Variants in FARP1 observed in about 807,000 individuals in gnomAD.
FARP1 encodes the protein FERM, ARHGEF and pleckstrin domain-containing protein 1.
Under a neutral mutation model 128.8 loss-of-function variants are expected in FARP1, and 52 were observed. The observed-to-expected ratio is 0.40, with a 90% CI of 0.32 to 0.51. The LOEUF is 0.51. Ranked by LOEUF, FARP1 falls within the 20% of genes least tolerant of loss-of-function variation. The probability of loss-of-function intolerance (pLI) is 0.45; values close to 1 mark genes in which losing one functional copy is unlikely to be tolerated. For missense variants in FARP1, 1,333 were observed against 1,367.9 expected, an observed-to-expected ratio of 0.97 and a Z score of 0.40; for synonymous variants, 580 against 551.8, an observed-to-expected ratio of 1.05 and a Z score of -0.72.
At chr13:98,150,316 T>A (rs1415574911) in intron 1 of FARP1, among the ~76,000 whole-genome samples, 2 of 152,154 alleles carry the variant, frequency 1.3e-5, no homozygotes, top group East Asian at 3.9e-4. Context: ...CAGGCTTGAG[T>A]CACTGCGTCC....
In FARP1 at chr13:98,235,351, A is replaced by G. The variant is rs530827459; in HGVS notation, c.171+21938A>G. 1.4e-4 allele frequency among the ~76,000 whole-genome samples: 21 copies of G among 152,322 alleles called. 1 individual carries two copies. In the South Asian group the frequency reaches 3.7e-3, roughly 27 times the overall value. On this transcript the variant is annotated intron_variant, in intron 2 of 26. Transcript: ENST00000319562. ...AAAAGTCTCAAAAAAGCCACAAGTGACTTGAAGGCACTGAGAAGAAATTCT... is the reference window on the plus strand; with the variant it reads ...AAAAGTCTCAAAAAAGCCACAAGTGGCTTGAAGGCACTGAGAAGAAATTCT...
At chr13:98,217,550 T>C (rs1034671128) in intron 2 of FARP1, among the ~76,000 whole-genome samples, 4 of 152,210 alleles carry the variant, frequency 2.6e-5, no homozygotes, top group African/African-American at 7.2e-5. Flanking sequence ...TTAAGTAGCA[T>C]TCATCCTTTG....
rs542952036 is a variant in FARP1 at position 98,451,700 on chromosome 13, C to T, written c.*3383C>T. 6.6e-6 allele frequency: 1 copy of T among 152,290 alleles called. No individual in the cohort carries two copies. Among genetic ancestry groups the T allele is most frequent in the Admixed American group, 6.5e-5 (1 of 15,300 alleles). 9.4% of individuals were successfully genotyped at this position (152,290 alleles called of 1,614,324 possible). Reference sequence around the variant, plus strand: ...CTTAACTCCACAAGAACTGGCACACCCACGGGAGATGTCAATCATCAGCTT... The same window carrying T: ...CTTAACTCCACAAGAACTGGCACACTCACGGGAGATGTCAATCATCAGCTT... On this transcript the variant is annotated 3_prime_UTR_variant, in exon 27 of 27. Transcript: ENST00000319562.
At chr13:98,379,191 T>A (rs28594760) in intron 6 of FARP1, among the ~76,000 whole-genome samples, 5 of 74,232 alleles carry the variant, frequency 6.7e-5, no homozygotes, top group Non-Finnish European at 1.2e-4. Context: ...ATATATATAA[T>A]ATATAATATA....
chr13:98,304,513 T>C (rs1255186511), intron 2 of FARP1, among the ~76,000 whole-genome samples: 1 of 152,144 alleles, frequency 6.6e-6, no homozygotes, highest in African/African-American at 2.4e-5. Flanking sequence ...GAGATAACTC[T>C]AGGCTGGTGG....
intron 1 of FARP1, among the ~76,000 whole-genome samples, chr13:98,167,380 G>T (rs992009740): frequency 6.7e-6 from 1 of 148,964 alleles, no homozygotes; most frequent in African/African-American, 2.5e-5. Context: ...TGCTTAGAGA[G>T]ATCTGCAATT....
chr13:98,318,067 CCTT>C (rs1886810219), intron 2 of FARP1, among the ~76,000 whole-genome samples: 2 of 134,184 alleles, frequency 1.5e-5, no homozygotes, highest in East Asian at 2.2e-4. Flanking sequence ...TTCTCCTCCT[CCTT>C]TTTTTTTTTT....
At chr13:98,148,544 A>C (rs998000423) in intron 1 of FARP1, among the ~76,000 whole-genome samples, 1 of 152,138 alleles carries the variant, frequency 6.6e-6, no homozygotes, top group Admixed American at 6.5e-5. Context: ...TTTATATGGT[A>C]CTTGTCTGTA....
intron 1 of FARP1, among the ~76,000 whole-genome samples, chr13:98,178,717 G>C (rs1878285637): frequency 1.3e-5 from 2 of 152,208 alleles, no homozygotes; most frequent in African/African-American, 4.8e-5. Flanking sequence ...GCTGCTGTGG[G>C]ATGAGGGAGA....
At chr13:98,294,406 T>C (rs1461697413) in intron 2 of FARP1, among the ~76,000 whole-genome samples, 2 of 152,210 alleles carry the variant, frequency 1.3e-5, no homozygotes, top group African/African-American at 4.8e-5. Flanking sequence ...TATTGATAAA[T>C]ACTGTTATAA....
At chr13:98,204,214 A>G (rs540202687) in intron 1 of FARP1, 1 of 152,358 alleles carries the variant, frequency 6.6e-6, no homozygotes, top group South Asian at 2.1e-4. Flanking sequence ...ATTCTTGATA[A>G]CACTTGTTAT....
chr13:98,294,746 G>C (rs1885587107), intron 2 of FARP1, among the ~76,000 whole-genome samples: 2 of 152,124 alleles, frequency 1.3e-5, no homozygotes. Context: ...GCCAGGCATG[G>C]TGGCTCATGC....
rs1357185009 is a variant in FARP1 at position 98,368,105 on chromosome 13, C to G, written c.320-12C>G. ...CAGTAAATGCTTTACTTCTTTTTTTCTTCTTCTTTAGGGCCAAAGCACGTT... is the reference window on the plus strand; with the variant it reads ...CAGTAAATGCTTTACTTCTTTTTTTGTTCTTCTTTAGGGCCAAAGCACGTT... On this transcript the variant is annotated splice_polypyrimidine_tract_variant and intron_variant, in intron 4 of 26. Transcript: ENST00000319562. 1 of 1,602,476 alleles carries G rather than the reference C, an allele frequency of 6.2e-7. No individual in the cohort carries two copies. Among genetic ancestry groups the G allele is most frequent in the South Asian group, 1.1e-5 (1 of 89,294 alleles).
At chr13:98,337,588 T>TGTGTGTGTGTG (rs1566893935) in intron 2 of FARP1, among the ~76,000 whole-genome samples, 3 of 147,058 alleles carry the variant, frequency 2.0e-5, no homozygotes, top group Non-Finnish European at 3.0e-5. Context: ...TGTGTGTGTG[T>TGTGTGTGTGTG]TTTGAAATAA....
intron 1 of FARP1, among the ~76,000 whole-genome samples, chr13:98,161,618 G>A (rs558987313): frequency 6.6e-6 from 1 of 152,270 alleles, no homozygotes; most frequent in East Asian, 1.9e-4. Context: ...CACATGATGG[G>A]AAGGGGGTTC....
chr13:98,331,991 A>G (rs975947222), intron 2 of FARP1, among the ~76,000 whole-genome samples: 3 of 151,820 alleles, frequency 2.0e-5, no homozygotes, highest in Non-Finnish European at 4.4e-5. Context: ...TACCCTCCCC[A>G]CACCCACCCA....
intron 2 of FARP1, among the ~76,000 whole-genome samples, chr13:98,240,212 G>A (rs138735050): frequency 2.6e-3 from 400 of 152,286 alleles, no homozygotes; most frequent in Non-Finnish European, 4.2e-3. Context: ...CAGGGTAGAC[G>A]CACGTTTTTT....
intron 2 of FARP1, among the ~76,000 whole-genome samples, chr13:98,246,178 T>C (rs2139469283): frequency 1.6e-5 from 2 of 122,530 alleles, no homozygotes; most frequent in South Asian, 3.0e-4. Flanking sequence ...CACTGCAGGC[T>C]CCGCCCCCTG....
chr13:98,439,524 C>T (rs770826355), intron 21 of FARP1, among the ~76,000 whole-genome samples: 22 of 152,206 alleles, frequency 1.4e-4, no homozygotes, highest in Non-Finnish European at 2.5e-4. Context: ...CTCCCACAGC[C>T]TGTGCCTGGC....
Sources: allele counts gnomAD v4.1 joint callset (sites outside exome capture counted in the v4.1 genomes callset), GRCh38; gene constraint gnomAD v4.1.1; transcripts MANE v1.5; gene names NCBI Gene and HGNC (gene_info 2026-07-23, HGNC 2026-07-21).